The following SUMF1 variants were observed in gnomAD, a reference collection of about 807,000 sequenced individuals.
SUMF1 encodes the protein sulfatase modifying factor 1, also known as formylglycine-generating enzyme.
SUMF1 carries 48 observed loss-of-function variants against 47.6 expected under a neutral mutation model. That is an observed-to-expected ratio of 1.01 (90% CI 0.80 to 1.28). The LOEUF is 1.28. Among genes scored for constraint, SUMF1 ranks in the 50% most tolerant of loss-of-function variants. SUMF1 has a pLI of 0.00. For missense variants in SUMF1, 571 were observed against 485.4 expected (o/e 1.18, Z -1.66); for synonymous variants, 230 against 192.1 (o/e 1.20, Z -1.63).
In SUMF1 at chr3:4,079,819, C is replaced by G. The variant is rs142591987; in HGVS notation, c.1015-11074G>C. Reference sequence around the variant, plus strand: ...ATTTATATGCCATTTCTGATCTAGTCCTATCTTTTAAACCTACAGATGGAG... The same window carrying G: ...ATTTATATGCCATTTCTGATCTAGTGCTATCTTTTAAACCTACAGATGGAG... On this transcript the variant is annotated intron_variant and NMD_transcript_variant, in intron 8 of 12. Coordinates refer to the SUMF1 transcript ENST00000448413. Among the ~76,000 whole-genome samples the G allele has an allele frequency of 7.2e-4, 109 of 151,032 alleles. 1 individual carries two copies. In the East Asian group the frequency reaches 0.014, roughly 20 times the overall value.
At chr3:4,186,898 TAA>T (rs930030756) in intron 8 of SUMF1, among the ~76,000 whole-genome samples, 2 of 152,112 alleles carry the variant, frequency 1.3e-5, no homozygotes, top group African/African-American at 2.4e-5. Context: ...CTGGTTCCAG[TAA>T]AAGTTTAGAT....
chr3:4,383,028 C>T (rs1379173019), intron 7 of SUMF1, among the ~76,000 whole-genome samples: 1 of 151,780 alleles, frequency 6.6e-6, no homozygotes, highest in Non-Finnish European at 1.5e-5. Flanking sequence ...AAGTAACAAA[C>T]CTGCACATTC....
At chr3:4,066,072 G>T (rs1032974782) in intron 9 of SUMF1, among the ~76,000 whole-genome samples, 2 of 152,024 alleles carry the variant, frequency 1.3e-5, no homozygotes, top group Non-Finnish European at 2.9e-5. Context: ...AGCCTCCTGG[G>T]GCATAAAGCA....
At chr3:4,202,215 T>C (rs1026772635) in intron 8 of SUMF1, among the ~76,000 whole-genome samples, 2 of 152,076 alleles carry the variant, frequency 1.3e-5, no homozygotes, top group African/African-American at 4.8e-5. Context: ...AATTTTTTCT[T>C]TTCATTGTTT....
intron 8 of SUMF1, among the ~76,000 whole-genome samples, chr3:4,270,207 T>C (rs958570254): frequency 6.6e-6 from 1 of 152,056 alleles, no homozygotes; most frequent in Admixed American, 6.6e-5. Context: ...TTGGGCTCCT[T>C]ATAAAGGAGC....
intron 3 of SUMF1, among the ~76,000 whole-genome samples, chr3:4,420,367 T>C (rs953511009): frequency 6.6e-6 from 1 of 151,722 alleles, no homozygotes; most frequent in East Asian, 1.9e-4. Flanking sequence ...AACAAATACA[T>C]ATGTATTTAA....
chr3:4,315,130 C>T (rs1166928120), intron 8 of SUMF1, among the ~76,000 whole-genome samples: 1 of 152,130 alleles, frequency 6.6e-6, no homozygotes, highest in East Asian at 1.9e-4. Context: ...ATTACAAATA[C>T]ATAGTATCAA....
intron 8 of SUMF1, among the ~76,000 whole-genome samples, chr3:4,102,922 C>T (rs1693069193): frequency 7.0e-6 from 1 of 143,438 alleles, no homozygotes; most frequent in East Asian, 2.0e-4. Flanking sequence ...ACAGAAACTT[C>T]TTTTTTTTTT....
At position 4,345,111 on chromosome 3, in the gene SUMF1, TC is replaced by T. The variant is rs573476703; in HGVS notation, c.1014+31218del. The stretch of plus-strand genomic sequence containing the variant: ...ATGGAAACAAGTGGGAAAACACACT[TC>T]AGGGTATTATCCAGGAGAACGTCCC... On this transcript the variant is annotated intron_variant and NMD_transcript_variant, in intron 8 of 12. Transcript: ENST00000448413. Among the ~76,000 whole-genome samples the T allele has an allele frequency of 2.0e-3, 311 of 152,220 alleles. 1 individual carries two copies. Among genetic ancestry groups the T allele is most frequent in the African/African-American group, 7.2e-3 (297 of 41,530 alleles).
chr3:4,377,122 C>T (rs1216669809), intron 7 of SUMF1, among the ~76,000 whole-genome samples: 1 of 152,078 alleles, frequency 6.6e-6, no homozygotes, highest in Non-Finnish European at 1.5e-5. Flanking sequence ...TTTTTATAAT[C>T]CCGCTGTGTA....
At chr3:4,062,849 G>C (rs1218217576) in intron 9 of SUMF1, among the ~76,000 whole-genome samples, 1 of 152,108 alleles carries the variant, frequency 6.6e-6, no homozygotes, top group Non-Finnish European at 1.5e-5. Context: ...CCTGCAACCA[G>C]ATGCCTGCTT....
At chr3:4,430,325 G>T (rs9990127) in intron 3 of SUMF1, among the ~76,000 whole-genome samples, 2,103 of 152,206 alleles carry the variant, frequency 0.014, 59 homozygotes, top group African/African-American at 0.047. Flanking sequence ...TTGAGTAACG[G>T]GACAGATAGT....
intron 8 of SUMF1, chr3:4,317,279 A>G: frequency 7.0e-7 from 1 of 1,419,542 alleles, no homozygotes; most frequent in Non-Finnish European, 9.5e-7. Flanking sequence ...ATAATGATTT[A>G]AAATTCACAG....
chr3:4,275,959 C>T (rs1697405899), intron 8 of SUMF1, among the ~76,000 whole-genome samples: 2 of 152,086 alleles, frequency 1.3e-5, no homozygotes, highest in Non-Finnish European at 2.9e-5. Flanking sequence ...TTTTTTAACT[C>T]CTAGAAGGCT....
At chr3:4,282,002 C>A (rs780922834) in intron 8 of SUMF1, among the ~76,000 whole-genome samples, 2 of 152,132 alleles carry the variant, frequency 1.3e-5, no homozygotes, top group Non-Finnish European at 2.9e-5. Flanking sequence ...TAGAAGCTGG[C>A]TTAAGTCTTT....
rs149997652 is a variant in SUMF1, at chr3:4,278,102, T to C, written c.1014+98228A>G. On this transcript the variant is annotated intron_variant and NMD_transcript_variant, in intron 8 of 12. Coordinates refer to the SUMF1 transcript ENST00000448413. ...TGAACACCCAGATTTGTTTGGCTGA[T>C]ATTTTTGGCACGTTTATTTTCTTAA... Among the ~76,000 whole-genome samples the C allele has an allele frequency of 4.9e-3, 744 of 152,236 alleles. 4 individuals are homozygous for C. Among genetic ancestry groups the C allele is most frequent in the African/African-American group, 0.016 (676 of 41,552 alleles).
At chr3:4,095,432 G>C (rs1389282402) in intron 8 of SUMF1, among the ~76,000 whole-genome samples, 1 of 152,036 alleles carries the variant, frequency 6.6e-6, no homozygotes, top group African/African-American at 2.4e-5. Context: ...TGAGATTGAT[G>C]ATAGAATCCC....
intron 3 of SUMF1, among the ~76,000 whole-genome samples, chr3:4,421,182 T>C (rs540687083): frequency 5.3e-5 from 8 of 152,192 alleles, no homozygotes; most frequent in Non-Finnish European, 1.0e-4. Flanking sequence ...CAAAATGAGA[T>C]TTGAATCATG....
At chr3:4,208,395 A>G (rs1695699433) in intron 8 of SUMF1, among the ~76,000 whole-genome samples, 1 of 147,832 alleles carries the variant, frequency 6.8e-6, no homozygotes, top group Admixed American at 6.9e-5. Flanking sequence ...CTAAAGGCCT[A>G]TTTACTGCAG....
Sources: allele counts gnomAD v4.1 joint callset (sites outside exome capture counted in the v4.1 genomes callset), GRCh38; gene constraint gnomAD v4.1.1; transcripts MANE v1.5; gene names NCBI Gene and HGNC (gene_info 2026-07-23, HGNC 2026-07-21).